Variants in BOD1L1 observed in about 807,000 individuals in gnomAD.
The protein encoded by BOD1L1 is biorientation of chromosomes in cell division 1 like 1.
BOD1L1 carries 86 observed loss-of-function variants against 240.7 expected under a neutral mutation model. The ratio of observed to expected loss-of-function variants is 0.36; its 90% CI spans 0.30 to 0.43. The LOEUF (loss-of-function observed/expected upper bound fraction) is 0.43. BOD1L1 is among the 20% of genes least tolerant of loss of function. BOD1L1 has a pLI of 1.00. For missense variants in BOD1L1, 3,554 were observed against 3,643.5 expected (o/e 0.98, Z 0.63); for synonymous variants, 1,268 against 1,272.3 (o/e 1.00, Z 0.07).
At chr4:13,590,933 A>G (rs1221719618) in intron 13 of BOD1L1, among the ~76,000 whole-genome samples, 1 of 152,148 alleles carries the variant, frequency 6.6e-6, no homozygotes, top group Non-Finnish European at 1.5e-5. Context: ...TTTGGAAAGG[A>G]CATTTATGCT....
intron 13 of BOD1L1, among the ~76,000 whole-genome samples, chr4:13,591,506 G>T (rs1056180203): frequency 1.3e-5 from 2 of 152,114 alleles, no homozygotes; most frequent in Non-Finnish European, 2.9e-5. Context: ...GAATGAACGG[G>T]ATTATGAGAG....
intron 25 of BOD1L1, among the ~76,000 whole-genome samples, chr4:13,575,997 C>T (rs1028351697): frequency 5.4e-5 from 8 of 149,468 alleles, no homozygotes; most frequent in Non-Finnish European, 8.9e-5. Context: ...CCGCCTCCCA[C>T]GGTTAAGCAA....
rs1323073597 is a variant in BOD1L1 at position 13,599,986 on chromosome 4, A to G, written c.6914T>C (p.Met2305Thr). Residue 2305 changes from methionine to threonine, a missense_variant, in exon 10 of 26, where the codon ATG becomes ACG. Met to Thr is a moderately conservative substitution (Grantham distance 81). Transcript: ENST00000040738. The stretch of plus-strand genomic sequence containing the variant: ...TTCATCCTGGAGGACAGCACCAATC[A>G]TGACTGCTTCACACCCTTCAGAGGT... ...TSTSEGCEAV[M>T]IGAVLQDEDR... The G allele has an allele frequency of 6.2e-7, 1 of 1,611,076 alleles. No individual in the cohort carries two copies. Among genetic ancestry groups the G allele is most frequent in the Non-Finnish European group, 8.5e-7 (1 of 1,178,538 alleles).
intron 10 of BOD1L1, among the ~76,000 whole-genome samples, chr4:13,598,309 A>T (rs941947478): frequency 4.6e-5 from 7 of 152,240 alleles, no homozygotes; most frequent in Non-Finnish European, 1.0e-4. Flanking sequence ...AAGCTCAGTT[A>T]AAAATAACAT....
chr4:13,613,627 A>T lies in BOD1L1; in HGVS notation c.1209T>A (p.Leu403=). The T allele has an allele frequency of 6.3e-7, 1 of 1,593,482 alleles. No individual in the cohort carries two copies. The highest frequency in any genetic ancestry group is 1.1e-5 in the South Asian group (1 of 87,976). Residue 403 remains leucine, a synonymous_variant, in exon 5 of 26, where the codon CTT becomes CTA. Transcript: ENST00000040738. This position sits in a 1 kb window ranked among gnomAD's most constrained non-coding sequence, Gnocchi z 4.0. ...FSLIDSDVDG[L]TDITVSSVHT... ...GAACAGAGCTAACTGTGATGTCTGT[A>T]AGTCCATCCACATCAGAATCTATCA...
rs111441277 is a variant in BOD1L1, at chr4:13,590,396, A to G, written c.8199T>C (p.Tyr2733=). 3.9e-5 allele frequency: 59 copies of G among 1,501,134 alleles called. No homozygotes were observed. Among genetic ancestry groups the G allele is most frequent in the South Asian group, 3.3e-4 (27 of 82,924 alleles). The allele number at this position is 1,501,134 out of a possible 1,614,324, so 93.0% of individuals were successfully genotyped here. ...AATTCATTAACTTACCTCCTTTGTT[A>G]TAAGATTCGCTATGAATTTCTTCAT... The part of the protein sequence containing the change: ...RTNEEIHSES[Y]NKGEISSGRK... Residue 2733 remains tyrosine (Y), a synonymous_variant, in exon 14 of 26, where the codon TAT becomes TAC. Coordinates refer to ENST00000040738, the MANE Select transcript of BOD1L1 (RefSeq NM_148894.3).
Position 13,601,723 on chromosome 4 carries a change from G to A in BOD1L1, c.5177C>T (p.Thr1726Ile). 3 of 1,613,974 alleles carry A rather than the reference G, an allele frequency of 1.9e-6. No individual in the cohort carries two copies. The highest frequency in any genetic ancestry group is 2.5e-6 in the Non-Finnish European group (3 of 1,179,902). ...RMGPKKETEG[T>I]VTCTGAEGRS... ...GCCTTCTGCTCCTGTACATGTCACAGTGCCCTCTGTTTCTTTTTTGGGACC... is the reference window on the plus strand; with the variant it reads ...GCCTTCTGCTCCTGTACATGTCACAATGCCCTCTGTTTCTTTTTTGGGACC... Residue 1726 changes from threonine (T) to isoleucine (I), a missense_variant, in exon 10 of 26, where the codon ACT becomes ATT. Around this residue, in one of 2 missense-constraint regions of BOD1L1, gnomAD observed 3,393 missense variants for 3,427.1 expected, o/e 0.99. Transcript: ENST00000040738.
intron 5 of BOD1L1, among the ~76,000 whole-genome samples, chr4:13,611,963 T>G (rs1454802813): frequency 6.6e-6 from 1 of 152,316 alleles, no homozygotes; most frequent in Non-Finnish European, 1.5e-5. Context: ...CTTCTCACTT[T>G]TTAAATCCCA....
chr4:13,594,668 G>A (rs905772746), intron 12 of BOD1L1, among the ~76,000 whole-genome samples: 4 of 152,234 alleles, frequency 2.6e-5, no homozygotes, highest in Middle Eastern at 3.4e-3. Flanking sequence ...AGGCCAAGGC[G>A]GGCGGATCAC....
At chr4:13,621,168 C>G (rs1221965312) in intron 1 of BOD1L1, among the ~76,000 whole-genome samples, 1 of 152,184 alleles carries the variant, frequency 6.6e-6, no homozygotes, top group Non-Finnish European at 1.5e-5. Flanking sequence ...GGGGCATTGC[C>G]TGGAAGGAAT....
intron 12 of BOD1L1, among the ~76,000 whole-genome samples, chr4:13,593,909 C>G (rs1039780929): frequency 6.6e-6 from 1 of 152,206 alleles, no homozygotes; most frequent in African/African-American, 2.4e-5. Flanking sequence ...AACTAGTAAG[C>G]TACATTCCTC....
intron 8 of BOD1L1, 135 bp downstream of exon 8, chr4:13,608,395 A>C: frequency 4.4e-6 from 3 of 688,610 alleles, no homozygotes; most frequent in Non-Finnish European, 6.4e-6. Flanking sequence ...CTAAATATGA[A>C]ACCCTAAGGT....
At position 13,569,149 on chromosome 4, in the gene BOD1L1, G is replaced by A. The variant is rs570687934; in HGVS notation, c.*862C>T. On this transcript the variant is annotated 3_prime_UTR_variant, in exon 26 of 26. Coordinates refer to ENST00000040738, the MANE Select transcript of BOD1L1 (RefSeq NM_148894.3). Reference sequence around the variant, plus strand: ...GAATGCATTTCTCTTCACTGAAAAAGACAATATGGAAAGAGTATTGGTAGA... The same window carrying A: ...GAATGCATTTCTCTTCACTGAAAAAAACAATATGGAAAGAGTATTGGTAGA... The A allele has an allele frequency of 7.1e-4, 108 of 152,266 alleles. No homozygotes were observed. The highest frequency in any genetic ancestry group is 2.5e-3 in the African/African-American group (102 of 41,530). The allele number at this position is 152,266 out of a possible 1,614,324, so 9.4% of individuals were successfully genotyped here.
chr4:13,580,888 T>C (rs1713172195), intron 21 of BOD1L1, 132 bp downstream of exon 21: 2 of 769,976 alleles, frequency 2.6e-6, no homozygotes, highest in Admixed American at 3.3e-5. Flanking sequence ...AATCAAAATA[T>C]ATGAATGGTT....
intron 1 of BOD1L1, among the ~76,000 whole-genome samples, chr4:13,626,860 C>G (rs1717431277): frequency 6.6e-6 from 1 of 152,206 alleles, no homozygotes; most frequent in Non-Finnish European, 1.5e-5. Context: ...AGTCCTGTCT[C>G]AGGTTTGCCT....
At chr4:13,612,992 C>A (rs574259942) in intron 5 of BOD1L1, among the ~76,000 whole-genome samples, 1 of 152,220 alleles carries the variant, frequency 6.6e-6, no homozygotes, top group African/African-American at 2.4e-5. Context: ...AAGTAACTGT[C>A]TGAAACTTTC....
At position 13,602,425 on chromosome 4, in the gene BOD1L1, G is replaced by A; in HGVS notation, c.4475C>T (p.Pro1492Leu). 1 of 1,613,916 alleles carries A rather than the reference G, an allele frequency of 6.2e-7. No individual in the cohort carries two copies. Among genetic ancestry groups the A allele is most frequent in the Non-Finnish European group, 8.5e-7 (1 of 1,179,866 alleles). ...VDTSAGSGSA[P>L]SVLHQRNGQT... ...TCCGTTCCTTTGGTGTAAAACAGAG[G>A]GTGCAGAGCCACTTCCAGCACTGGT... is the stretch of plus-strand genomic sequence containing the variant. Residue 1492 changes from proline (P) to leucine (L), a missense_variant, in exon 10 of 26, where the codon CCC (proline) becomes CTC (leucine). Pro to Leu is a moderately conservative substitution (Grantham distance 98). Transcript: ENST00000040738.
Position 13,569,568 on chromosome 4 carries a change from A to G in BOD1L1, c.*443T>C, listed in dbSNP as rs1712025842. 6.6e-6 allele frequency: 1 copy of G among 152,406 alleles called. No homozygotes were observed. Among genetic ancestry groups the G allele is most frequent in the Non-Finnish European group, 1.5e-5 (1 of 68,160 alleles). 9.4% of individuals were successfully genotyped at this position (152,406 alleles called of 1,614,324 possible). On this transcript the variant is annotated 3_prime_UTR_variant, in exon 26 of 26. Coordinates refer to ENST00000040738, the MANE Select transcript of BOD1L1 (RefSeq NM_148894.3). ...AACAGATATATAGTAAAGTTCACAG[A>G]TAAGTTTTCTCTGTAAAATAAATAA...
chr4:13,596,019 C>CAA (rs1295965978), intron 11 of BOD1L1, 75 bp from the exon 12 acceptor site: 4 of 1,166,320 alleles, frequency 3.4e-6, no homozygotes, highest in African/African-American at 1.6e-5. Flanking sequence ...GTGAATTAAA[C>CAA]AAAAAAAAAC....
Sources: gnomAD v4.1 joint callset for allele counts (sites outside exome capture counted in the v4.1 genomes callset) on GRCh38, gnomAD v4.1.1 for gene constraint, gnomAD v4.1.1 regional missense constraint, Gnocchi (gnomAD v3.1) non-coding constraint, MANE v1.5 for transcripts, NCBI Gene and HGNC (gene_info 2026-07-23, HGNC 2026-07-21) for gene names.